The following EDIL3 variants were observed in gnomAD, a reference collection of about 807,000 sequenced individuals.
EDIL3 encodes EGF like and discoidin domains 3.
A neutral mutation model predicts 67.4 loss-of-function variants in EDIL3; 37 were observed. That is an observed-to-expected ratio of 0.55 (90% CI 0.42 to 0.72). The LOEUF is 0.72. EDIL3 is among the 30% of genes least tolerant of loss of function. EDIL3 has a pLI of 0.00. For missense variants in EDIL3, 527 were observed against 586.3 expected (o/e 0.90, Z 1.04); for synonymous variants, 195 against 196.3 (o/e 0.99, Z 0.05).
At chr5:84,142,822 C>T (rs7729375) in intron 4 of EDIL3, among the ~76,000 whole-genome samples, 2 of 140,596 alleles carry the variant, frequency 1.4e-5, no homozygotes, top group African/African-American at 5.1e-5. Flanking sequence ...AGACGGTGCC[C>T]CCCCCCCCAA....
At chr5:84,356,596 C>A (rs1747486770) in intron 1 of EDIL3, among the ~76,000 whole-genome samples, 1 of 152,162 alleles carries the variant, frequency 6.6e-6, no homozygotes, top group Non-Finnish European at 1.5e-5. Context: ...TTGAGCCCAG[C>A]AGATAATCCA....
chr5:83,970,435 A>G (rs1208727690), intron 9 of EDIL3, among the ~76,000 whole-genome samples: 2 of 148,308 alleles, frequency 1.3e-5, no homozygotes, highest in Non-Finnish European at 3.0e-5. Flanking sequence ...TTTTTAGCAC[A>G]AGTTTTCAAT....
intron 1 of EDIL3, among the ~76,000 whole-genome samples, chr5:84,291,279 A>G (rs1745908698): frequency 6.6e-6 from 1 of 152,204 alleles, no homozygotes; most frequent in African/African-American, 2.4e-5. Flanking sequence ...AAATGATATT[A>G]GGACATTTAA....
intron 3 of EDIL3, among the ~76,000 whole-genome samples, chr5:84,183,491 A>C (rs1006404471): frequency 1.5e-4 from 23 of 152,294 alleles, no homozygotes; most frequent in Non-Finnish European, 3.1e-4. Context: ...AAATTATATA[A>C]TTTTAAGCAA....
chr5:84,241,987 G>A (rs1299727997), intron 2 of EDIL3, among the ~76,000 whole-genome samples: 6 of 150,862 alleles, frequency 4.0e-5, no homozygotes, highest in African/African-American at 1.5e-4. Flanking sequence ...TTGACAGGCC[G>A]AGGTGGGCAG....
At chr5:84,331,339 T>A (rs945563436) in intron 1 of EDIL3, among the ~76,000 whole-genome samples, 4 of 152,160 alleles carry the variant, frequency 2.6e-5, no homozygotes, top group Admixed American at 2.6e-4. Flanking sequence ...TTTGGCTGTG[T>A]TCCACCCGAA....
intron 1 of EDIL3, among the ~76,000 whole-genome samples, chr5:84,327,946 G>A (rs1746796314): frequency 6.6e-6 from 1 of 152,026 alleles, no homozygotes; most frequent in South Asian, 2.1e-4. Context: ...GGCCATGGAA[G>A]TCTTACCAGC....
chr5:84,059,380 G>A (rs1298134731), intron 9 of EDIL3, among the ~76,000 whole-genome samples: 4 of 152,286 alleles, frequency 2.6e-5, no homozygotes, highest in East Asian at 1.9e-4. Context: ...TCTAGCCTGG[G>A]CAACAGAGTG....
chr5:84,250,461 C>T (rs930344248), intron 2 of EDIL3, among the ~76,000 whole-genome samples: 2 of 152,160 alleles, frequency 1.3e-5, no homozygotes, highest in Non-Finnish European at 2.9e-5. Flanking sequence ...CACAGGAATG[C>T]AAGTGATGTG....
intron 4 of EDIL3, among the ~76,000 whole-genome samples, chr5:84,145,556 T>C (rs1748277669): frequency 6.6e-6 from 1 of 152,124 alleles, no homozygotes; most frequent in African/African-American, 2.4e-5. Context: ...TCACATTCTC[T>C]AAAATTTCAT....
At chr5:84,267,949 C>T (rs1268585390) in intron 1 of EDIL3, among the ~76,000 whole-genome samples, 1 of 152,036 alleles carries the variant, frequency 6.6e-6, no homozygotes, top group East Asian at 1.9e-4. Flanking sequence ...CCAGCCTGGG[C>T]AACATGTTGA....
chr5:84,019,731 C>A (rs1461301506), intron 9 of EDIL3, among the ~76,000 whole-genome samples: 1 of 151,940 alleles, frequency 6.6e-6, no homozygotes, highest in Non-Finnish European at 1.5e-5. Context: ...TGTCCTTGGG[C>A]TTTGATATAA....
chr5:84,156,060 G>C (rs947463048), intron 4 of EDIL3, among the ~76,000 whole-genome samples: 3 of 152,178 alleles, frequency 2.0e-5, no homozygotes, highest in Non-Finnish European at 4.4e-5. Context: ...AGCATAGGCT[G>C]GGAGAAAGTA....
intron 8 of EDIL3, 59 bp from the exon 9 acceptor site, chr5:84,060,543 G>T: frequency 6.3e-7 from 1 of 1,583,526 alleles, no homozygotes; most frequent in Non-Finnish European, 8.6e-7. Flanking sequence ...GAACTTTTCT[G>T]CATTCATTTT....
At chr5:84,370,627 G>C (rs1747823505) in intron 1 of EDIL3, among the ~76,000 whole-genome samples, 1 of 152,116 alleles carries the variant, frequency 6.6e-6, no homozygotes, top group Admixed American at 6.6e-5. Context: ...AGTATTAAAA[G>C]TATTTTATTG....
At chr5:84,001,712 T>C (rs1745334415) in intron 9 of EDIL3, among the ~76,000 whole-genome samples, 1 of 152,094 alleles carries the variant, frequency 6.6e-6, no homozygotes, top group Non-Finnish European at 1.5e-5. Flanking sequence ...TTAAACATAG[T>C]AATGCTTAAA....
chr5:84,351,396 G>A (rs922539171), intron 1 of EDIL3, among the ~76,000 whole-genome samples: 6 of 152,056 alleles, frequency 3.9e-5, no homozygotes. Context: ...GTATACTTGA[G>A]CAACCCAAGC....
chr5:84,000,155 T>G (rs1055028453), intron 9 of EDIL3, among the ~76,000 whole-genome samples: 3 of 152,116 alleles, frequency 2.0e-5, no homozygotes, highest in Non-Finnish European at 4.4e-5. Flanking sequence ...TTAAAAGTAG[T>G]TCTTCAACCA....
chr5:84,059,374 GCCTGGGCA>G (rs1746503585), intron 9 of EDIL3, among the ~76,000 whole-genome samples: 1 of 152,172 alleles, frequency 6.6e-6, no homozygotes, highest in East Asian at 1.9e-4. Flanking sequence ...CTGCTCTCTA[GCCTGGGCA>G]ACAGAGTGAG....
Sources: allele counts gnomAD v4.1 joint callset (sites outside exome capture counted in the v4.1 genomes callset), GRCh38; gene constraint gnomAD v4.1.1; transcripts MANE v1.5; gene names NCBI Gene and HGNC (gene_info 2026-07-23, HGNC 2026-07-21).